Variants in SLC25A42 observed in about 807,000 individuals in gnomAD.
The protein encoded by SLC25A42 is solute carrier family 25 member 42.
Under a neutral mutation model 34.7 loss-of-function variants are expected in SLC25A42, and 19 were observed. That is an observed-to-expected ratio of 0.55 (90% CI 0.38 to 0.80). The LOEUF (loss-of-function observed/expected upper bound fraction) is 0.80, where lower values mean the gene tolerates loss of function less well. SLC25A42 is among the 30% of genes least tolerant of loss of function. SLC25A42 has a pLI of 0.00. For missense variants in SLC25A42, 364 were observed against 441.3 expected, an observed-to-expected ratio of 0.82 and a Z score of 1.57; for synonymous variants, 205 against 191.2, an observed-to-expected ratio of 1.07 and a Z score of -0.59.
chr19:19,070,879 C>T (rs939917631), intron 1 of SLC25A42, among the ~76,000 whole-genome samples: 2 of 152,248 alleles, frequency 1.3e-5, no homozygotes, highest in Non-Finnish European at 2.9e-5. Context: ...ATTCCTCAGC[C>T]CCTCCAGATG....
intron 5 of SLC25A42, 38 bp from the exon 6 acceptor site, chr19:19,106,231 C>T (rs753442070): frequency 3.1e-5 from 48 of 1,568,666 alleles, no homozygotes; most frequent in Non-Finnish European, 3.8e-5. Context: ...CTGCAACCCC[C>T]TCACTGCCGT....
At position 19,106,344 on chromosome 19, in the gene SLC25A42, G is replaced by A. The variant is rs756333100; in HGVS notation, c.456G>A (p.Leu152=). The A allele has an allele frequency of 3.7e-6, 6 of 1,613,698 alleles. No homozygotes were observed. In the South Asian group the frequency reaches 6.6e-5, roughly 18 times the overall value. ...CAGCCGCTTCACTGACCTACCCCCT[G>A]GACCTGGTCAGAGCGCGGATGGCCG... ...GTTAASLTYP[L]DLVRARMAVT... Residue 152 remains leucine, a synonymous_variant, in exon 6 of 8, where the codon CTG becomes CTA. Transcript: ENST00000318596.
rs11390931 is a variant in SLC25A42 at position 19,070,295 on chromosome 19, A to ATT, written c.-35+6199_-35+6200dup. ...CAGGTGTGAGCCACCCTGCCTGGCC[A>ATT]TTTTTTTTTTTTTTTTTTTTAGACA... On this transcript the variant is annotated intron_variant, in intron 1 of 7. Coordinates refer to ENST00000318596, the MANE Select transcript of SLC25A42 (RefSeq NM_178526.5). 3.8e-3 allele frequency among the ~76,000 whole-genome samples: 396 copies of ATT among 104,794 alleles called. 2 individuals carry two copies. Among genetic ancestry groups the ATT allele is most frequent in the Middle Eastern group, 8.1e-3 (1 of 124 alleles). 68.7% of individuals were successfully genotyped at this position (104,794 alleles called of 152,430 possible).
chr19:19,105,305 G>T, intron 4 of SLC25A42: 1 of 580,208 alleles, frequency 1.7e-6, no homozygotes, highest in South Asian at 2.4e-5. Flanking sequence ...AGCCTGGTTC[G>T]CTTTGCAGTC....
In SLC25A42 at chr19:19,111,015, G is replaced by A; in HGVS notation, c.*139G>A. ...ATGGAACGAGCAGGTGGGCCTGAGGGGCCTGGGCTCAGAGTCCACGTCCAA... is the reference window on the plus strand; with the variant it reads ...ATGGAACGAGCAGGTGGGCCTGAGGAGCCTGGGCTCAGAGTCCACGTCCAA... On this transcript the variant is annotated 3_prime_UTR_variant, in exon 8 of 8. Coordinates refer to ENST00000318596, the MANE Select transcript of SLC25A42 (RefSeq NM_178526.5). 1 of 972,972 alleles carries A rather than the reference G, an allele frequency of 1.0e-6. No individual in the cohort carries two copies. The highest frequency in any genetic ancestry group is 1.5e-6 in the Non-Finnish European group (1 of 664,898). The allele number at this position is 972,972 out of a possible 1,614,324, so 60.3% of individuals were successfully genotyped here.
chr19:19,104,689 T>G (rs2059816529), intron 3 of SLC25A42, among the ~76,000 whole-genome samples: 1 of 152,168 alleles, frequency 6.6e-6, no homozygotes, highest in Non-Finnish European at 1.5e-5. Flanking sequence ...GGTAGTCTAG[T>G]CCAGGGGCAG....
chr19:19,074,505 C>T (rs1568508096), intron 1 of SLC25A42, among the ~76,000 whole-genome samples: 2 of 152,200 alleles, frequency 1.3e-5, no homozygotes, highest in Non-Finnish European at 2.9e-5. Context: ...GAAACTGTCC[C>T]CACCCCCACC....
rs755219312 is a variant in SLC25A42 at position 19,096,173 on chromosome 19, G to C, written c.49G>C (p.Glu17Gln). 1.2e-6 allele frequency: 2 copies of C among 1,614,034 alleles called. No homozygotes were observed. The highest frequency in any genetic ancestry group is 1.7e-6 in the Non-Finnish European group (2 of 1,179,994). Residue 17 changes from glutamate (E) to glutamine (Q), a missense_variant, in exon 2 of 8, where the codon GAG (glutamate) becomes CAG (glutamine). By Grantham distance (29) the Glu-to-Gln change is conservative (BLOSUM62 2). Transcript: ENST00000318596. ...CCCGGTGCGATTGCATGAGGATGCT[G>C]AGGCTGTCCTGTCCTCGTCCGTCTC... ...EGPVRLHEDA[E>Q]AVLSSSVSSK...
In SLC25A42 at chr19:19,081,446, TC is replaced by T. The variant is rs2059681630; in HGVS notation, c.-34-14642del. Reference sequence around the variant, plus strand: ...TGTTTCATGTTTTGTCCTCATAGCGTCCCTGGCAGTGTCATGGGACACTCAG... The same window carrying T: ...TGTTTCATGTTTTGTCCTCATAGCGTCCTGGCAGTGTCATGGGACACTCAG... On this transcript the variant is annotated intron_variant, in intron 1 of 7. Coordinates refer to ENST00000318596, the MANE Select transcript of SLC25A42 (RefSeq NM_178526.5). The surrounding 1 kb of genome is among the most constrained non-coding windows in gnomAD (Gnocchi z 4.5). Among the ~76,000 whole-genome samples, 1 of 152,190 alleles carries T rather than the reference TC, an allele frequency of 6.6e-6. No individual in the cohort carries two copies. Among genetic ancestry groups the T allele is most frequent in the Non-Finnish European group, 1.5e-5 (1 of 68,040 alleles).
At chr19:19,107,647 C>CA (rs202016906) in intron 6 of SLC25A42, among the ~76,000 whole-genome samples, 44 of 151,090 alleles carry the variant, frequency 2.9e-4, no homozygotes, top group African/African-American at 8.7e-4. Context: ...AACAAAGAAA[C>CA]AAAAAAAAAG....
chr19:19,104,838 C>A, intron 3 of SLC25A42, 75 bp from the exon 4 acceptor site: 1 of 1,559,562 alleles, frequency 6.4e-7, no homozygotes, highest in Non-Finnish European at 8.8e-7. Context: ...CTAGTGGGTG[C>A]CAGGGGTGGG....
intron 1 of SLC25A42, among the ~76,000 whole-genome samples, chr19:19,095,349 C>T (rs1599680535): frequency 6.6e-6 from 1 of 152,022 alleles, no homozygotes; most frequent in East Asian, 1.9e-4. Flanking sequence ...TGCGGTGGCT[C>T]ATGCCTGTAA....
intron 1 of SLC25A42, among the ~76,000 whole-genome samples, chr19:19,072,731 G>A (rs2145898746): frequency 6.6e-6 from 1 of 152,178 alleles, no homozygotes; most frequent in South Asian, 2.1e-4. Flanking sequence ...CCAGGCTAGA[G>A]TGCAGTGGTG....
chr19:19,087,726 T>C (rs1192124564), intron 1 of SLC25A42, among the ~76,000 whole-genome samples: 1 of 152,244 alleles, frequency 6.6e-6, no homozygotes, highest in Non-Finnish European at 1.5e-5. Context: ...TTTATTGAGC[T>C]ACTTGGAAAA....
intron 3 of SLC25A42, 49 bp downstream of exon 3, chr19:19,101,935 C>T (rs770306818): frequency 3.8e-6 from 5 of 1,319,602 alleles, no homozygotes; most frequent in Non-Finnish European, 5.4e-6. Flanking sequence ...AGGCGGTCAC[C>T]TCCTCCTTCA....
chr19:19,092,863 G>T (rs1025065441), intron 1 of SLC25A42, among the ~76,000 whole-genome samples: 1 of 152,216 alleles, frequency 6.6e-6, no homozygotes, highest in Non-Finnish European at 1.5e-5. Context: ...AGCGGCAGGG[G>T]TGGTGCTGGG....
At chr19:19,095,608 G>A (rs1487217714) in intron 1 of SLC25A42, among the ~76,000 whole-genome samples, 9 of 152,132 alleles carry the variant, frequency 5.9e-5, no homozygotes, top group Admixed American at 1.3e-4. Context: ...GTGAGACTCC[G>A]TCTCAAAAAA....
At chr19:19,073,196 A>G (rs1417307868) in intron 1 of SLC25A42, among the ~76,000 whole-genome samples, 1 of 152,170 alleles carries the variant, frequency 6.6e-6, no homozygotes, top group African/African-American at 2.4e-5. Flanking sequence ...AACAGGCAAA[A>G]GCACCTGTCT....
At chr19:19,099,982 C>A (rs1364234910) in intron 2 of SLC25A42, among the ~76,000 whole-genome samples, 1 of 151,794 alleles carries the variant, frequency 6.6e-6, no homozygotes, top group African/African-American at 2.4e-5. Context: ...CCCGCCTCGG[C>A]CTCCCAAAGT....
Sources: allele counts gnomAD v4.1 joint callset (sites outside exome capture counted in the v4.1 genomes callset), GRCh38; gene constraint gnomAD v4.1.1; non-coding constraint Gnocchi (gnomAD v3.1); transcripts MANE v1.5; gene names NCBI Gene and HGNC (gene_info 2026-07-23, HGNC 2026-07-21).